TTC9B: variants seen among roughly 807,000 people sequenced by gnomAD.
The protein encoded by TTC9B is tetratricopeptide repeat domain 9B, also known as tetratricopeptide repeat protein 9B.
Under a neutral mutation model 19.4 loss-of-function variants are expected in TTC9B, and 12 were observed. The observed-to-expected ratio is 0.62, with a 90% CI of 0.40 to 1.00. The LOEUF (loss-of-function observed/expected upper bound fraction) is 1.00. Ranked by LOEUF, TTC9B falls within the 50% of genes least tolerant of loss-of-function variation. TTC9B has a pLI of 0.00. For missense variants in TTC9B, 316 were observed against 345.2 expected (o/e 0.92, Z 0.67); for synonymous variants, 156 against 158.6 (o/e 0.98, Z 0.12).
At position 40,216,524 on chromosome 19, in the gene TTC9B, A is replaced by G. The variant is rs1599922491; in HGVS notation, c.611-252T>C. 7 of 513,964 alleles carry G rather than the reference A, an allele frequency of 1.4e-5. No individual in the cohort carries two copies. The East Asian group carries it at 2.4e-4, about 18-fold the overall frequency. The allele number at this position is 513,964 out of a possible 1,614,324, so 31.8% of individuals were successfully genotyped here. ...ATGCCTCTTCGCAGAGGCTCCCGTCACACTTCTCATCCTCCAGCGACATCT... is the reference window on the plus strand; with the variant it reads ...ATGCCTCTTCGCAGAGGCTCCCGTCGCACTTCTCATCCTCCAGCGACATCT... On this transcript the variant is annotated intron_variant, in intron 2 of 2. Coordinates refer to ENST00000311308, the MANE Select transcript of TTC9B (RefSeq NM_152479.6).
intron 1 of TTC9B, 179 bp from the exon 2 acceptor site, chr19:40,217,548 C>T: frequency 1.3e-6 from 1 of 776,524 alleles, no homozygotes; most frequent in Non-Finnish European, 2.0e-6. Flanking sequence ...TGCTAGGGGG[C>T]GCCAAAACAC....
chr19:40,217,700 G>C (rs939226760), intron 1 of TTC9B: 1 of 514,854 alleles, frequency 1.9e-6, no homozygotes, highest in Non-Finnish European at 3.4e-6. Flanking sequence ...GCCAGGGGGT[G>C]GAAAGAATGA....
At chr19:40,217,070 G>A (rs1306939719) in intron 2 of TTC9B, 117 bp downstream of exon 2, 6 of 1,209,150 alleles carry the variant, frequency 5.0e-6, no homozygotes, top group Non-Finnish European at 5.7e-6. Context: ...CCTAGAAGCA[G>A]CTCCGCGGGA....
chr19:40,217,037 A>G (rs1973376921), intron 2 of TTC9B, 150 bp downstream of exon 2: 2 of 776,598 alleles, frequency 2.6e-6, no homozygotes, highest in South Asian at 1.8e-5. Context: ...GCGTGTAGGG[A>G]GTAGGTGGGT....
In TTC9B at chr19:40,217,217, G is replaced by C. The variant is rs763885908; in HGVS notation, c.580C>G (p.Leu194Val). The C allele has an allele frequency of 3.1e-6, 5 of 1,613,592 alleles. No individual in the cohort carries two copies. The highest frequency in any genetic ancestry group is 4.2e-6 in the Non-Finnish European group (5 of 1,179,880). ...GGTTCCCGGCTGCGGGCCTCCTGCA[G>C]GTAGCGCAGCGCGCGTGCGTAGTCG... Reference protein sequence around the residue: ...LGDYARALRYLQEARSREPTD... With the variant: ...LGDYARALRYVQEARSREPTD... Residue 194 changes from leucine to valine, a missense_variant, in exon 2 of 3, where the codon CTG becomes GTG. Coordinates refer to ENST00000311308, the MANE Select transcript of TTC9B (RefSeq NM_152479.6).
In TTC9B at chr19:40,216,309, C is replaced by T. The variant is rs200266437; in HGVS notation, c.611-37G>A. The T allele has an allele frequency of 3.5e-5, 55 of 1,566,426 alleles. No homozygotes were observed. The East Asian group carries it at 1.1e-3, about 33-fold the overall frequency. ...GTGGGCAGGGCATCATCTGGGTGTC[C>T]CGGGGCAGCAGGTGACTTCCACACC... On this transcript the variant is annotated intron_variant, in intron 2 of 2. Transcript: ENST00000311308.
intron 1 of TTC9B, 33 bp downstream of exon 1, chr19:40,217,922 C>CCGG: frequency 9.2e-6 from 12 of 1,304,514 alleles, no homozygotes; most frequent in Non-Finnish European, 1.1e-5. Context: ...CCCCTCCCCT[C>CCGG]GTGCCCCATC....
At position 40,218,048 on chromosome 19, in the gene TTC9B, C is replaced by T. The variant is rs766367490; in HGVS notation, c.334G>A (p.Gly112Arg). ...GCCGGCCCGGGGCTGCTGGTGGGCC[C>T]GGGGGCGGGGGCGGGCAGGCCGCTA... ...RPSGLPAPAP[G>R]PTSSPGPARL... The change falls in exon 1 of 3, where the codon GGG becomes AGG. Residue 112 changes from glycine to arginine, a missense_variant. Gly to Arg is a moderately radical substitution (Grantham distance 125, BLOSUM62 -2). Transcript: ENST00000311308. The surrounding 1 kb of genome is among the most constrained non-coding windows in gnomAD (Gnocchi z 4.2). 3.3e-6 allele frequency: 5 copies of T among 1,494,484 alleles called. No individual in the cohort carries two copies. The highest frequency in any genetic ancestry group is 1.3e-5 in the South Asian group (1 of 76,542). 92.6% of individuals were successfully genotyped at this position (1,494,484 alleles called of 1,614,324 possible).
intron 2 of TTC9B, 186 bp from the exon 3 acceptor site, chr19:40,216,458 A>C (rs1345292308): frequency 6.7e-6 from 4 of 597,098 alleles, no homozygotes; most frequent in Non-Finnish European, 9.0e-6. Context: ...GAGCCATCGC[A>C]CACCTCTGTG....
At chr19:40,217,089 C>T (rs1371759122) in intron 2 of TTC9B, 98 bp downstream of exon 2, 2 of 1,365,580 alleles carry the variant, frequency 1.5e-6, no homozygotes. Flanking sequence ...GAGGAGGGCT[C>T]TGCTATTCTG....
chr19:40,216,844 G>T, intron 2 of TTC9B: 1 of 448,994 alleles, frequency 2.2e-6, no homozygotes, highest in African/African-American at 2.0e-5. Flanking sequence ...CGGTAGGCAG[G>T]GGTGGGACGG....
rs192962621 is a variant in TTC9B at position 40,216,930 on chromosome 19, G to A, written c.610+257C>T. 3.3e-4 allele frequency: 193 copies of A among 580,334 alleles called. 1 individual carries two copies. In the African/African-American group the frequency reaches 3.4e-3, roughly 10 times the overall value. The allele number at this position is 580,334 out of a possible 1,614,324, so 35.9% of individuals were successfully genotyped here. On this transcript the variant is annotated intron_variant, in intron 2 of 2. Transcript: ENST00000311308. ...AGGAGATATCAGATGTGGCAATGACGGTAGATGAGAAATGGCCGGGGAGAT... is the reference window on the plus strand; with the variant it reads ...AGGAGATATCAGATGTGGCAATGACAGTAGATGAGAAATGGCCGGGGAGAT...
At chr19:40,216,509 G>A (rs1218686460) in intron 2 of TTC9B, 1 of 530,914 alleles carries the variant, frequency 1.9e-6, no homozygotes, top group Non-Finnish European at 3.4e-6. Context: ...ATGCCTCTTC[G>A]CAGAGGCTCC....
intron 2 of TTC9B, chr19:40,216,482 G>A (rs1335145851): frequency 7.2e-6 from 4 of 553,854 alleles, no homozygotes; most frequent in South Asian, 6.6e-5. Flanking sequence ...CTGTATTTGC[G>A]GCACCCTCTG....
intron 2 of TTC9B, 156 bp from the exon 3 acceptor site, chr19:40,216,428 G>A (rs1973368547): frequency 9.6e-6 from 6 of 623,542 alleles, no homozygotes; most frequent in Admixed American, 2.5e-5. Flanking sequence ...AGTCACAGTC[G>A]GCAGTCCCCA....
chr19:40,217,878 C>G, intron 1 of TTC9B, 77 bp downstream of exon 1: 1 of 1,325,226 alleles, frequency 7.5e-7, no homozygotes, highest in South Asian at 1.6e-5. Context: ...CCCCAGGGCC[C>G]CTGGCCCCCA....
In TTC9B at chr19:40,218,049, G is replaced by A; in HGVS notation, c.333C>T (p.Pro111=). 6.7e-7 allele frequency: 1 copy of A among 1,498,256 alleles called. No individual in the cohort carries two copies. The allele number at this position is 1,498,256 out of a possible 1,614,324, so 92.8% of individuals were successfully genotyped here. Residue 111 remains proline, a synonymous_variant, in exon 1 of 3, where the codon CCC becomes CCT. Coordinates refer to ENST00000311308, the MANE Select transcript of TTC9B (RefSeq NM_152479.6). This position sits in a 1 kb window ranked among gnomAD's most constrained non-coding sequence, Gnocchi z 4.2. ...CCGGCCCGGGGCTGCTGGTGGGCCC[G>A]GGGGCGGGGGCGGGCAGGCCGCTAG... ...ARPSGLPAPA[P]GPTSSPGPAR...
At chr19:40,217,625 G>C in intron 1 of TTC9B, 1 of 535,324 alleles carries the variant, frequency 1.9e-6, no homozygotes, top group African/African-American at 1.9e-5. Flanking sequence ...CCCCGCGCGG[G>C]GGCGAGGGCC....
At chr19:40,216,608 C>G in intron 2 of TTC9B, 1 of 368,814 alleles carries the variant, frequency 2.7e-6, no homozygotes, top group South Asian at 3.0e-5. Flanking sequence ...TCTCGGCTCC[C>G]ACAACCCTGC....
Sources: gnomAD v4.1 joint callset for allele counts on GRCh38, gnomAD v4.1.1 for gene constraint, Gnocchi (gnomAD v3.1) non-coding constraint, MANE v1.5 for transcripts, NCBI Gene and HGNC (gene_info 2026-07-23, HGNC 2026-07-21) for gene names.